Variants in CHD5 observed in about 807,000 individuals in gnomAD.
The protein encoded by CHD5 is chromodomain helicase DNA binding protein 5.
CHD5 carries 69 observed loss-of-function variants against 230.3 expected under a neutral mutation model. The observed-to-expected ratio is 0.30, with a 90% CI of 0.25 to 0.37. CHD5 has a LOEUF of 0.37. CHD5 is among the 10% of genes least tolerant of loss of function. The pLI, the probability that CHD5 is intolerant of heterozygous loss-of-function variation, is 1.00. For missense variants in CHD5, 1,827 were observed against 2,622.8 expected (o/e 0.70, Z 6.63); for synonymous variants, 1,064 against 1,065.9 (o/e 1.00, Z 0.03).
rs756337392 is a variant in CHD5 at position 6,142,440 on chromosome 1, C to T, written c.2209G>A (p.Val737Met). Residue 737 changes from valine to methionine, a missense_variant, in exon 14 of 42, where the codon GTG becomes ATG. Transcript: ENST00000262450. This position sits in a 1 kb window ranked among gnomAD's most constrained non-coding sequence, Gnocchi z 5.2. ...TCCTTGTAGAGGGAGTAAAGGAACA[C>T]GATGGTCTGCACCGTCTTGCCCAGA... ...MGLGKTVQTI[V>M]FLYSLYKEGH... 11 of 1,611,808 alleles carry T rather than the reference C, an allele frequency of 6.8e-6. No individual in the cohort carries two copies. Among genetic ancestry groups the T allele is most frequent in the Non-Finnish European group, 8.5e-6 (10 of 1,178,232 alleles).
intron 7 of CHD5, 48 bp downstream of exon 7, chr1:6,150,984 A>G (rs751009029): frequency 2.0e-6 from 3 of 1,465,254 alleles, no homozygotes; most frequent in Non-Finnish European, 2.7e-6. Context: ...CTCGTGCCCC[A>G]CTACATCCAC....
intron 20 of CHD5, among the ~76,000 whole-genome samples, chr1:6,132,795 CTTT>C (rs1212651851): frequency 6.6e-6 from 1 of 152,052 alleles, no homozygotes. Flanking sequence ...TTAATTTCTT[CTTT>C]ATTTTAGGGT....
At chr1:6,176,214 G>A (rs1667424393) in intron 1 of CHD5, among the ~76,000 whole-genome samples, 1 of 152,188 alleles carries the variant, frequency 6.6e-6, no homozygotes, top group Non-Finnish European at 1.5e-5. Context: ...TGCTTCCACA[G>A]GGGTAGGGGT....
intron 1 of CHD5, among the ~76,000 whole-genome samples, chr1:6,174,368 G>A (rs1372881624): frequency 6.6e-6 from 1 of 152,230 alleles, no homozygotes; most frequent in Non-Finnish European, 1.5e-5. Flanking sequence ...TCTCTGATGG[G>A]TGGACGGATA....
At position 6,154,096 on chromosome 1, in the gene CHD5, T is replaced by C. The variant is rs1667045501; in HGVS notation, c.745+564A>G. ...AACAGCCTCCCTGGGAAGCGAGACC[T>C]GGCCGTGCCCAGTCCCTCCAACTCC... On this transcript the variant is annotated intron_variant, in intron 5 of 41. Coordinates refer to ENST00000262450, the MANE Select transcript of CHD5 (RefSeq NM_015557.3). The surrounding 1 kb of genome is among the most constrained non-coding windows in gnomAD (Gnocchi z 7.0). Among the ~76,000 whole-genome samples, 1 of 152,188 alleles carries C rather than the reference T, an allele frequency of 6.6e-6. No homozygotes were observed. The highest frequency in any genetic ancestry group is 2.4e-5 in the African/African-American group (1 of 41,460).
intron 2 of CHD5, among the ~76,000 whole-genome samples, chr1:6,166,716 G>A (rs1340466850): frequency 1.0e-5 from 1 of 97,808 alleles, no homozygotes; most frequent in Non-Finnish European, 1.8e-5. Context: ...CCGGGGAAGT[G>A]GAAATGGGGC....
At position 6,135,174 on chromosome 1, in the gene CHD5, A is replaced by T. The variant is rs931966236; in HGVS notation, c.2870+56T>A. On this transcript the variant is annotated intron_variant, in intron 18 of 41. Coordinates refer to ENST00000262450, the MANE Select transcript of CHD5 (RefSeq NM_015557.3). The stretch of plus-strand genomic sequence containing the variant: ...GCCCACCTGGGAATCGACCCAGGAG[A>T]CCAGCCCAGGGGAAAGGGCGAGCAC... 3.7e-6 allele frequency: 6 copies of T among 1,600,832 alleles called. No homozygotes were observed. The African/African-American group carries it at 8.0e-5, about 21-fold the overall frequency.
At position 6,126,702 on chromosome 1, in the gene CHD5, G is replaced by A. The variant is rs774334456; in HGVS notation, c.3948C>T (p.Asp1316=). Residue 1316 remains aspartate (D), a synonymous_variant, in exon 26 of 42, where the codon GAC becomes GAT. Transcript: ENST00000262450. This position sits in a 1 kb window ranked among gnomAD's most constrained non-coding sequence, Gnocchi z 5.7. ...GCAGCAGCTTCTCCCAGTAGTCGGG[G>A]TCCACGTTCTCCTCCTGCTTGATGA... The part of the protein sequence containing the change: ...REIIKQEENV[D]PDYWEKLLRH... 4 of 1,614,018 alleles carry A rather than the reference G, an allele frequency of 2.5e-6. No homozygotes were observed. Among genetic ancestry groups the A allele is most frequent in the South Asian group, 2.2e-5 (2 of 91,076 alleles).
chr1:6,149,424 G>T lies in CHD5; in HGVS notation c.995-12C>A. On this transcript the variant is annotated splice_polypyrimidine_tract_variant and intron_variant, in intron 7 of 41. Coordinates refer to ENST00000262450, the MANE Select transcript of CHD5 (RefSeq NM_015557.3). ...GTCACCATCATCAACTAGGGTAGGG[G>T]AGAGGCAGTCATGGAAGTCCTCATC... 1 of 1,595,378 alleles carries T rather than the reference G, an allele frequency of 6.3e-7. No individual in the cohort carries two copies. The highest frequency in any genetic ancestry group is 8.6e-7 in the Non-Finnish European group (1 of 1,167,186).
At chr1:6,179,732 T>C (rs1192960815) in intron 1 of CHD5, among the ~76,000 whole-genome samples, 1 of 82,964 alleles carries the variant, frequency 1.2e-5, no homozygotes, top group Non-Finnish European at 2.4e-5. Context: ...ACCCCGCCCT[T>C]AGCCGCCCTC....
Position 6,130,358 on chromosome 1 carries a change from G to C in CHD5, c.3263-30C>G, listed in dbSNP as rs754376775. 2.0e-5 allele frequency: 32 copies of C among 1,609,052 alleles called. No homozygotes were observed. The South Asian group carries it at 3.3e-4, about 17-fold the overall frequency. ...AAAAGAGAGGCCAGCAGATGGGAGT[G>C]TTTGGGGGGGTACACCTTGGGTGGG... is the stretch of plus-strand genomic sequence containing the variant. On this transcript the variant is annotated intron_variant, in intron 21 of 41. Coordinates refer to ENST00000262450, the MANE Select transcript of CHD5 (RefSeq NM_015557.3). The surrounding 1 kb of genome is among the most constrained non-coding windows in gnomAD (Gnocchi z 4.9).
In CHD5 at chr1:6,126,780, A is replaced by C; in HGVS notation, c.3904-34T>G. ...GCAGCACCACGGGTTCCATGGGTGG[A>C]GCCATCTCTGCCCTCCCGGAAGCCT... On this transcript the variant is annotated intron_variant, in intron 25 of 41. Transcript: ENST00000262450. This position sits in a 1 kb window ranked among gnomAD's most constrained non-coding sequence, Gnocchi z 5.7. The C allele has an allele frequency of 6.3e-7, 1 of 1,599,888 alleles. No individual in the cohort carries two copies. Among genetic ancestry groups the C allele is most frequent in the East Asian group, 2.2e-5 (1 of 44,608 alleles).
Position 6,142,085 on chromosome 1 carries a change from C to CG in CHD5, c.2436+42dup. ...GGCACCCGTGGTCCCTGAACTAGAC[C>CG]GGGGGCCTTCCTACCGTCCTTCCAA... On this transcript the variant is annotated intron_variant, in intron 15 of 41. Transcript: ENST00000262450. The surrounding 1 kb of genome is among the most constrained non-coding windows in gnomAD (Gnocchi z 5.2). 1 of 1,566,190 alleles carries CG rather than the reference C, an allele frequency of 6.4e-7. No individual in the cohort carries two copies. The highest frequency in any genetic ancestry group is 1.1e-5 in the South Asian group (1 of 89,880).
intron 38 of CHD5, among the ~76,000 whole-genome samples, chr1:6,107,190 AGATGGAGGGATGGAGGGAT>A (rs1335047025): frequency 2.1e-4 from 21 of 98,174 alleles, no homozygotes; most frequent in East Asian, 1.2e-3. Flanking sequence ...GGATGGGGGA[AGATGGAGGGATGGAGGGAT>A]GATGGAGGGA....
rs1667056022 is a variant in CHD5, at chr1:6,154,781, T to C, written c.624A>G (p.Ala208=). Residue 208 remains alanine (A), a synonymous_variant, in exon 5 of 42, where the codon GCA becomes GCG. Coordinates refer to ENST00000262450, the MANE Select transcript of CHD5 (RefSeq NM_015557.3). The surrounding 1 kb of genome is among the most constrained non-coding windows in gnomAD (Gnocchi z 7.0). The stretch of plus-strand genomic sequence containing the variant: ...CAGCCGCAGCCACCGCCGCCGCCGC[T>C]GCTGCCGCGGAGCTGCCCTTGAAGG... ...NNPFKGSSAA[A]AAAAVAAAVE... is the part of the protein sequence containing the mutation. 1.2e-6 allele frequency: 2 copies of C among 1,613,364 alleles called. No homozygotes were observed. The highest frequency in any genetic ancestry group is 1.3e-5 in the African/African-American group (1 of 75,050).
rs770325770 is a variant in CHD5, at chr1:6,146,195, C to T, written c.1802+17G>A. 6.8e-6 allele frequency: 11 copies of T among 1,610,878 alleles called. No individual in the cohort carries two copies. Among genetic ancestry groups the T allele is most frequent in the Admixed American group, 1.7e-5 (1 of 59,948 alleles). On this transcript the variant is annotated intron_variant, in intron 11 of 41. Transcript: ENST00000262450. This position sits in a 1 kb window ranked among gnomAD's most constrained non-coding sequence, Gnocchi z 5.1. ...CGGCCCCAGCGATGGGCAGGGTGGCCGCCTGCAGGCACACACCTATGGTTC... is the reference window on the plus strand; with the variant it reads ...CGGCCCCAGCGATGGGCAGGGTGGCTGCCTGCAGGCACACACCTATGGTTC...
At position 6,142,225 on chromosome 1, in the gene CHD5, T is replaced by C. The variant is rs1250224589; in HGVS notation, c.2339A>G (p.Tyr780Cys). ...CGAGCGGCTCTCCTTGTCCCCCGTG[T>C]AGGTGACCACGTAGAAGTCGGGCGC... is the stretch of plus-strand genomic sequence containing the variant. Reference protein sequence around the residue: ...MWAPDFYVVTYTGDKESRSVI... With the variant: ...MWAPDFYVVTCTGDKESRSVI... Residue 780 changes from tyrosine to cysteine, a missense_variant, in exon 15 of 42, where the codon TAC becomes TGC. Physicochemically the swap from Tyr to Cys is radical, Grantham distance 194. Around this residue, in one of 14 missense-constraint regions of CHD5, gnomAD observed 80 missense variants for 96.4 expected, o/e 0.83. Transcript: ENST00000262450. The surrounding 1 kb of genome is among the most constrained non-coding windows in gnomAD (Gnocchi z 5.2). The C allele has an allele frequency of 1.2e-6, 2 of 1,614,072 alleles. No individual in the cohort carries two copies. The highest frequency in any genetic ancestry group is 1.7e-6 in the Non-Finnish European group (2 of 1,180,026).
intron 7 of CHD5, among the ~76,000 whole-genome samples, chr1:6,149,851 C>A (rs1010011481): frequency 1.4e-5 from 2 of 139,740 alleles, no homozygotes; most frequent in African/African-American, 2.7e-5. Context: ...GACAAATGGA[C>A]GGATGATGGA....
intron 30 of CHD5, among the ~76,000 whole-genome samples, 164 bp from the exon 31 acceptor site, chr1:6,124,271 C>A (rs1034703381): frequency 6.6e-6 from 1 of 151,428 alleles, no homozygotes; most frequent in Non-Finnish European, 1.5e-5. Flanking sequence ...TGACCACAAG[C>A]TCCCCTGCCC....
Sources: allele counts gnomAD v4.1 joint callset (sites outside exome capture counted in the v4.1 genomes callset), GRCh38; gene constraint gnomAD v4.1.1; regional missense constraint gnomAD v4.1.1; non-coding constraint Gnocchi (gnomAD v3.1); transcripts MANE v1.5; gene names NCBI Gene and HGNC (gene_info 2026-07-23, HGNC 2026-07-21).